GSE1: variants seen among roughly 807,000 people sequenced by gnomAD.
GSE1 encodes Gse1 coiled-coil protein, also known as genetic suppressor element 1.
In GSE1, 32 loss-of-function variants were observed where a neutral mutation model predicts 112.6. The ratio of observed to expected loss-of-function variants is 0.28; its 90% CI spans 0.21 to 0.38. The LOEUF (loss-of-function observed/expected upper bound fraction) is 0.38. GSE1 is among the 10% of genes least tolerant of loss of function. GSE1 has a pLI of 1.00. For missense variants in GSE1, 2,348 were observed against 1,699.2 expected (o/e 1.38, Z -6.71); for synonymous variants, 1,115 against 735.6 (o/e 1.52, Z -8.35).
chr16:85,633,504 G>C (rs962731963), intron 1 of GSE1, among the ~76,000 whole-genome samples: 2 of 152,196 alleles, frequency 1.3e-5, no homozygotes, highest in African/African-American at 4.8e-5. Flanking sequence ...CTCCACCAGC[G>C]TGTTTCTATC....
chr16:85,277,648 G>A (rs535199852), intron 1 of GSE1, among the ~76,000 whole-genome samples: 18 of 152,374 alleles, frequency 1.2e-4, no homozygotes, highest in African/African-American at 3.6e-4. Context: ...CCCCTGGGCT[G>A]CAGCTGGGCA....
At chr16:85,260,173 G>A (rs1907521687) in intron 1 of GSE1, among the ~76,000 whole-genome samples, 1 of 152,172 alleles carries the variant, frequency 6.6e-6, no homozygotes, top group South Asian at 2.1e-4. Context: ...GGGGCTCACG[G>A]CAGCCCACTG....
At chr16:85,532,158 T>G (rs2044159923) in intron 2 of GSE1, among the ~76,000 whole-genome samples, 2 of 152,198 alleles carry the variant, frequency 1.3e-5, no homozygotes, top group Non-Finnish European at 2.9e-5. Context: ...CTCACAACTT[T>G]GATAACCCCA....
In GSE1 at chr16:85,319,844, T is replaced by G. The variant is rs79468869; in HGVS notation, c.2284-37619T>G. ...CGCATTCAGTACAACATCCTTGAAC[T>G]GAACTGAAGTGCCGTTTGAGGCAGC... On this transcript the variant is annotated intron_variant, in intron 1 of 2. Transcript: ENST00000637419. Among the ~76,000 whole-genome samples, 1,065 of 152,348 alleles carry G rather than the reference T, an allele frequency of 7.0e-3. 3 individuals carry two copies. Among genetic ancestry groups the G allele is most frequent in the Middle Eastern group, 0.02 (6 of 294 alleles).
At chr16:85,550,168 C>T (rs2151233211) in intron 2 of GSE1, among the ~76,000 whole-genome samples, 1 of 152,246 alleles carries the variant, frequency 6.6e-6, no homozygotes, top group South Asian at 2.1e-4. Flanking sequence ...TGCCCGAGGG[C>T]ACACAGAGGG....
chr16:85,354,991 G>A (rs1022955208), intron 1 of GSE1, among the ~76,000 whole-genome samples: 3 of 152,222 alleles, frequency 2.0e-5, no homozygotes, highest in African/African-American at 7.2e-5. Flanking sequence ...CTGGCCTGAG[G>A]TGCCGCCGCC....
At chr16:85,240,229 G>T (rs1905064963) in intron 1 of GSE1, among the ~76,000 whole-genome samples, 1 of 152,208 alleles carries the variant, frequency 6.6e-6, no homozygotes, top group African/African-American at 2.4e-5. Context: ...TGGGTGCCCA[G>T]GGTGTTCTCT....
In GSE1 at chr16:85,321,295, G is replaced by A. The variant is rs886487675; in HGVS notation, c.2284-36168G>A. ...GAAGTAATGATTTCTTCAGCACAGG[G>A]GTTTCAGAAGCTGCAGCACAAGGAG... On this transcript the variant is annotated intron_variant, in intron 1 of 2. Transcript: ENST00000637419. Among the ~76,000 whole-genome samples, 6 of 152,272 alleles carry A rather than the reference G, an allele frequency of 3.9e-5. No individual in the cohort carries two copies. In the South Asian group the frequency reaches 1.2e-3, roughly 32 times the overall value.
intron 1 of GSE1, among the ~76,000 whole-genome samples, chr16:85,331,347 G>GTATATATATATA (rs1567692423): frequency 1.7e-4 from 12 of 70,124 alleles, no homozygotes; most frequent in African/African-American, 5.9e-4. Context: ...GTGTGTGTGT[G>GTATATATATATA]TGTGTGTGTG....
At chr16:85,626,960 G>A (rs1245059370) in intron 1 of GSE1, among the ~76,000 whole-genome samples, 1 of 149,836 alleles carries the variant, frequency 6.7e-6, no homozygotes, top group Non-Finnish European at 1.5e-5. Context: ...AACTAAGAAC[G>A]AGATGGGTTC....
chr16:85,404,013 C>T (rs1013765892), intron 2 of GSE1, among the ~76,000 whole-genome samples: 3 of 72,988 alleles, frequency 4.1e-5, no homozygotes, highest in South Asian at 4.9e-4. Context: ...CTCTCTGTGC[C>T]GTCCTTACGG....
intron 1 of GSE1, among the ~76,000 whole-genome samples, chr16:85,308,120 C>A (rs951757659): frequency 6.6e-6 from 1 of 152,134 alleles, no homozygotes; most frequent in Non-Finnish European, 1.5e-5. Flanking sequence ...CAGAAGACTC[C>A]GAGTAAGTGT....
chr16:85,629,995 A>G (rs1428115502), intron 1 of GSE1, among the ~76,000 whole-genome samples: 1 of 152,196 alleles, frequency 6.6e-6, no homozygotes, highest in East Asian at 1.9e-4. Flanking sequence ...AGGGTCTGTG[A>G]TGAGCCTACT....
At chr16:85,640,741 C>G (rs752758886) in intron 2 of GSE1, among the ~76,000 whole-genome samples, 1 of 152,254 alleles carries the variant, frequency 6.6e-6, no homozygotes, top group Non-Finnish European at 1.5e-5. Context: ...AAGAAAACAG[C>G]AAAACAAACA....
chr16:85,664,040 A>G (rs1263342337), intron 11 of GSE1, among the ~76,000 whole-genome samples: 1 of 152,262 alleles, frequency 6.6e-6, no homozygotes. Context: ...AAGGGCTGCC[A>G]AGCAGGGCAG....
At chr16:85,570,560 CA>C (rs2045941573) in intron 1 of GSE1, among the ~76,000 whole-genome samples, 1 of 152,230 alleles carries the variant, frequency 6.6e-6, no homozygotes, top group Non-Finnish European at 1.5e-5. Flanking sequence ...GCCTTTGACT[CA>C]GGGCCCTGTC....
At chr16:85,643,495 C>T (rs369998103) in intron 2 of GSE1, among the ~76,000 whole-genome samples, 2 of 152,166 alleles carry the variant, frequency 1.3e-5, no homozygotes, top group Admixed American at 1.3e-4. Context: ...CTTCCTCACC[C>T]GCGCCTCTTT....
intron 2 of GSE1, among the ~76,000 whole-genome samples, chr16:85,519,730 ACC>A (rs1478844236): frequency 1.3e-5 from 1 of 75,232 alleles, no homozygotes; most frequent in African/African-American, 5.2e-5. Flanking sequence ...CATCACCATC[ACC>A]ATCACCACCA....
chr16:85,401,008 C>G (rs899479859), intron 2 of GSE1, among the ~76,000 whole-genome samples: 4 of 152,136 alleles, frequency 2.6e-5, no homozygotes, highest in African/African-American at 9.7e-5. Flanking sequence ...GCATCTACAT[C>G]AGTGCGGGTG....
Sources: allele counts gnomAD v4.1 joint callset (sites outside exome capture counted in the v4.1 genomes callset), GRCh38; gene constraint gnomAD v4.1.1; transcripts MANE v1.5; gene names NCBI Gene and HGNC (gene_info 2026-07-23, HGNC 2026-07-21).